Variants in VOPP1 observed in about 807,000 individuals in gnomAD.
The protein encoded by VOPP1 is VOPP1 WW domain binding protein.
In VOPP1, 8 loss-of-function variants were observed where a neutral mutation model predicts 23.5. The ratio of observed to expected loss-of-function variants is 0.34; its 90% CI spans 0.20 to 0.61. The LOEUF (loss-of-function observed/expected upper bound fraction) is 0.61. Among genes scored for constraint, VOPP1 ranks in the 20% least tolerant of loss-of-function variants. The pLI is 0.78. For synonymous variants in VOPP1, 83 were observed against 97.3 expected (o/e 0.85, Z 0.86); for missense variants, 174 against 238.1 (o/e 0.73, Z 1.77).
chr7:55,497,549 A>T, intron 3 of VOPP1, 64 bp downstream of exon 3: 1 of 1,261,614 alleles, frequency 7.9e-7, no homozygotes, highest in African/African-American at 2.7e-5. Flanking sequence ...CTGTGACAAC[A>T]CTGATGGGGG....
chr7:55,565,227 C>A (rs1269404675), intron 1 of VOPP1, among the ~76,000 whole-genome samples: 4 of 152,208 alleles, frequency 2.6e-5, no homozygotes, highest in Non-Finnish European at 5.9e-5. Context: ...TCTACGGTAT[C>A]TGAATGCAGA....
chr7:55,571,947 C>A (rs890734839), intron 1 of VOPP1: 21 of 259,878 alleles, frequency 8.1e-5, no homozygotes, highest in Non-Finnish European at 1.4e-4. Context: ...CGGCCCTCTG[C>A]GGCGGGGAGA....
At chr7:55,540,054 T>C (rs1797048941) in intron 1 of VOPP1, among the ~76,000 whole-genome samples, 1 of 152,086 alleles carries the variant, frequency 6.6e-6, no homozygotes, top group Non-Finnish European at 1.5e-5. Flanking sequence ...ATGGTATAAA[T>C]GTTGGCGAAC....
At chr7:55,456,207 T>C (rs1396818408) in intron 4 of VOPP1, among the ~76,000 whole-genome samples, 1 of 152,182 alleles carries the variant, frequency 6.6e-6, no homozygotes, top group Non-Finnish European at 1.5e-5. Flanking sequence ...AAGCTCATCA[T>C]CACTGGTCAT....
intron 4 of VOPP1, among the ~76,000 whole-genome samples, chr7:55,478,160 G>A (rs1291360171): frequency 1.3e-5 from 2 of 152,184 alleles, no homozygotes; most frequent in Admixed American, 6.5e-5. Context: ...AGACCAGCAC[G>A]GTCTGGAATG....
At chr7:55,566,549 G>A (rs936985172) in intron 1 of VOPP1, among the ~76,000 whole-genome samples, 3 of 152,178 alleles carry the variant, frequency 2.0e-5, no homozygotes, top group African/African-American at 7.2e-5. Context: ...GCGACAGAGG[G>A]AGACCATATC....
intron 1 of VOPP1, among the ~76,000 whole-genome samples, chr7:55,568,975 C>T (rs1798255942): frequency 6.6e-6 from 1 of 152,154 alleles, no homozygotes; most frequent in African/African-American, 2.4e-5. Flanking sequence ...CCAAAAAGGC[C>T]TCTGAGGTTC....
In VOPP1 at chr7:55,470,875, C is replaced by T. The variant is rs1372436905; in HGVS notation, c.*1980G>A. ...GTGGGACTTCCATATGCAGGATCAG[C>T]GTTCACAGTAGCACAATTCTAACCA... On this transcript the variant is annotated 3_prime_UTR_variant, in exon 5 of 5. Coordinates refer to ENST00000285279, the MANE Select transcript of VOPP1 (RefSeq NM_030796.5). 8 of 152,198 alleles carry T rather than the reference C, an allele frequency of 5.3e-5. No individual in the cohort carries two copies. Among genetic ancestry groups the T allele is most frequent in the Non-Finnish European group, 1.2e-4 (8 of 67,942 alleles). 9.4% of individuals were successfully genotyped at this position (152,198 alleles called of 1,614,324 possible).
At chr7:55,564,795 A>G (rs1227870676) in intron 1 of VOPP1, among the ~76,000 whole-genome samples, 1 of 152,180 alleles carries the variant, frequency 6.6e-6, no homozygotes, top group African/African-American at 2.4e-5. Flanking sequence ...GGAATCTTCC[A>G]AAGGGCCTCC....
At chr7:55,569,935 G>C (rs1482685959) in intron 1 of VOPP1, among the ~76,000 whole-genome samples, 2 of 152,104 alleles carry the variant, frequency 1.3e-5, no homozygotes, top group African/African-American at 4.8e-5. Flanking sequence ...CTTAATTTCA[G>C]GTGGTTTATG....
chr7:55,509,432 C>T (rs1235917252), intron 2 of VOPP1, among the ~76,000 whole-genome samples: 1 of 152,174 alleles, frequency 6.6e-6, no homozygotes, highest in African/African-American at 2.4e-5. Context: ...CAAAAGAGGG[C>T]AGGGGAGCTC....
At chr7:55,453,923 G>A (rs966577525) in intron 4 of VOPP1, among the ~76,000 whole-genome samples, 18 of 151,972 alleles carry the variant, frequency 1.2e-4, no homozygotes, top group Non-Finnish European at 5.9e-5. Flanking sequence ...ATCTTTTTTG[G>A]TTATTTTATT....
chr7:55,465,311 A>T (rs1336206512), intron 4 of VOPP1, among the ~76,000 whole-genome samples: 1 of 152,224 alleles, frequency 6.6e-6, no homozygotes, highest in African/African-American at 2.4e-5. Context: ...GTGGTTGCCT[A>T]AGGTTTCTCC....
intron 4 of VOPP1, among the ~76,000 whole-genome samples, chr7:55,445,653 C>T (rs1329699142): frequency 1.3e-5 from 2 of 152,132 alleles, no homozygotes; most frequent in Non-Finnish European, 2.9e-5. Flanking sequence ...TATGGAGCTT[C>T]TCCTTTATGG....
intron 1 of VOPP1, chr7:55,521,778 A>G (rs1238609274): frequency 5.1e-6 from 5 of 984,920 alleles, no homozygotes; most frequent in East Asian, 1.1e-4. Context: ...GCACACAGGC[A>G]TCGGAGCAGG....
chr7:55,505,817 T>C (rs1435848535), intron 2 of VOPP1, among the ~76,000 whole-genome samples: 2 of 152,316 alleles, frequency 1.3e-5, no homozygotes, highest in African/African-American at 4.8e-5. Flanking sequence ...ATTTCTTCTA[T>C]GTTGAGATTT....
downstream of VOPP1, among the ~76,000 whole-genome samples, chr7:55,467,403 A>ATTGGT: frequency 6.6e-6 from 1 of 152,172 alleles, no homozygotes; most frequent in Non-Finnish European, 1.5e-5. Context: ...GGTCCCTACC[A>ATTGGT]CAGCCCCTCT....
chr7:55,540,549 G>A (rs1015463719), intron 1 of VOPP1, among the ~76,000 whole-genome samples: 7 of 152,116 alleles, frequency 4.6e-5, no homozygotes, highest in African/African-American at 1.4e-4. Context: ...ACCTCTGGCC[G>A]TCACCAACAT....
At chr7:55,536,162 T>C (rs189914587) in intron 1 of VOPP1, among the ~76,000 whole-genome samples, 371 of 152,314 alleles carry the variant, frequency 2.4e-3, no homozygotes, top group African/African-American at 8.6e-3. Flanking sequence ...TGCTCAAAAG[T>C]TGTACTTGGA....
Sources: gnomAD v4.1 joint callset for allele counts (sites outside exome capture counted in the v4.1 genomes callset) on GRCh38, gnomAD v4.1.1 for gene constraint, MANE v1.5 for transcripts, NCBI Gene and HGNC (gene_info 2026-07-23, HGNC 2026-07-21) for gene names.